The following RNF169 variants were observed in gnomAD, a reference collection of about 807,000 sequenced individuals.
RNF169 encodes the protein E3 ubiquitin-protein ligase RNF169.
A neutral mutation model predicts 53.9 loss-of-function variants in RNF169; 24 were observed. That is an observed-to-expected ratio of 0.45 (90% confidence interval 0.32 to 0.63). RNF169 has a LOEUF of 0.63. Among genes scored for constraint, RNF169 ranks in the 20% least tolerant of loss-of-function variants. RNF169 has a pLI of 0.04. For synonymous variants in RNF169, 396 were observed against 363.5 expected, an observed-to-expected ratio of 1.09 and a Z score of -1.02; for missense variants, 883 against 906.2, an observed-to-expected ratio of 0.97 and a Z score of 0.33.
chr11:74,836,713 A>T lies in RNF169; in HGVS notation c.2110A>T (p.Met704Leu). ...VDQYLLRSSNMAGAK is the reference protein window; with the variant it reads ...VDQYLLRSSNLAGAK ...TCAGTATCTCCTACGGTCCAGCAAC[A>T]TGGCCGGGGCCAAGTAGCACCTAAT... Residue 704 changes from methionine to leucine, a missense_variant, in exon 6 of 6, where the codon ATG becomes TTG. Physicochemically the swap from Met to Leu is conservative, Grantham distance 15. Transcript: ENST00000299563. 1.2e-6 allele frequency: 2 copies of T among 1,609,848 alleles called. No individual in the cohort carries two copies. Among genetic ancestry groups the T allele is most frequent in the South Asian group, 1.1e-5 (1 of 90,984 alleles).
At chr11:74,769,338 G>A (rs2035224891) in intron 1 of RNF169, among the ~76,000 whole-genome samples, 1 of 152,186 alleles carries the variant, frequency 6.6e-6, no homozygotes, top group Admixed American at 6.6e-5. Flanking sequence ...GCTATAATTT[G>A]TAATTGATTA....
Position 74,836,984 on chromosome 11 carries a change from G to C in RNF169, c.*254G>C. 2.5e-6 allele frequency: 1 copy of C among 392,984 alleles called. No individual in the cohort carries two copies. The highest frequency in any genetic ancestry group is 4.6e-6 in the Non-Finnish European group (1 of 217,614). The allele number at this position is 392,984 out of a possible 1,614,324, so 24.3% of individuals were successfully genotyped here. On this transcript the variant is annotated 3_prime_UTR_variant, in exon 6 of 6. Coordinates refer to ENST00000299563, the MANE Select transcript of RNF169 (RefSeq NM_001098638.2). ...ACCTGGCAGCACCCACTGGGAATGA[G>C]ATTTGGAACGGCCTCAGGAGCATAA...
In RNF169 at chr11:74,832,400, C is replaced by T. The variant is rs546782279; in HGVS notation, c.843-2276C>T. 3.3e-5 allele frequency: 5 copies of T among 151,816 alleles called. No homozygotes were observed. The South Asian group carries it at 1.0e-3, about 32-fold the overall frequency. The allele number at this position is 151,816 out of a possible 1,614,324, so 9.4% of individuals were successfully genotyped here. On this transcript the variant is annotated intron_variant, in intron 4 of 5. Coordinates refer to ENST00000299563, the MANE Select transcript of RNF169 (RefSeq NM_001098638.2). ...TTTATGGGGCATGTGAAGATGTTCT[C>T]CCCAGCTACAGGTAGTTGTCATTTG...
chr11:74,831,135 T>C (rs2036171923), intron 4 of RNF169: 1 of 152,166 alleles, frequency 6.6e-6, no homozygotes, highest in Non-Finnish European at 1.5e-5. Context: ...AACATTGTAC[T>C]GGAAATTCTA....
At chr11:74,770,394 A>G (rs2035242520) in intron 1 of RNF169, among the ~76,000 whole-genome samples, 1 of 152,252 alleles carries the variant, frequency 6.6e-6, no homozygotes, top group Admixed American at 6.5e-5. Context: ...GGTTATGGAT[A>G]TAAGAATTAT....
intron 3 of RNF169, among the ~76,000 whole-genome samples, chr11:74,816,408 A>G (rs1465332322): frequency 6.6e-6 from 1 of 152,240 alleles, no homozygotes; most frequent in Non-Finnish European, 1.5e-5. Context: ...CTATCCATTA[A>G]AAGAAAAAGA....
At position 74,841,302 on chromosome 11, in the gene RNF169, G is replaced by A. The variant is rs2036504128; in HGVS notation, c.*4572G>A. ...AAAGAGAAAGCAGGTCTGGGGCGGG[G>A]TGGTCAGGAGACAGATTCTAGGGAA... On this transcript the variant is annotated 3_prime_UTR_variant, in exon 6 of 6. Transcript: ENST00000299563. The A allele has an allele frequency of 1.3e-5, 2 of 152,278 alleles. No homozygotes were observed. Among genetic ancestry groups the A allele is most frequent in the East Asian group, 1.9e-4 (1 of 5,174 alleles). 9.4% of individuals were successfully genotyped at this position (152,278 alleles called of 1,614,324 possible). A position where few individuals can be genotyped will look rare whatever the true frequency, so the allele number is the denominator to read the frequency against.
chr11:74,752,595 C>CAA lies in RNF169; in HGVS notation c.502+3228_502+3229dup, dbSNP rs371908528. 9.1e-3 allele frequency among the ~76,000 whole-genome samples: 1,013 copies of CAA among 111,880 alleles called. 4 individuals carry two copies. The highest frequency in any genetic ancestry group is 0.014 in the South Asian group (51 of 3,742). 73.4% of individuals were successfully genotyped at this position (111,880 alleles called of 152,430 possible). A position where few individuals can be genotyped will look rare whatever the true frequency, so the allele number is the denominator to read the frequency against. On this transcript the variant is annotated intron_variant, in intron 1 of 5. Transcript: ENST00000299563. ...CTGGTGGCAGAGCAAGACTCTGTCT[C>CAA]AAAAAAAAAAAAAAAAGATTCTTGT...
At chr11:74,789,449 A>G (rs2035550531) in intron 1 of RNF169, among the ~76,000 whole-genome samples, 177 bp from the exon 2 acceptor site, 2 of 152,230 alleles carry the variant, frequency 1.3e-5, no homozygotes, top group African/African-American at 4.8e-5. Flanking sequence ...GAAGTGTCAG[A>G]AGGAGACAGA....
At chr11:74,828,517 A>T (rs961840247) in intron 4 of RNF169, among the ~76,000 whole-genome samples, 5 of 152,228 alleles carry the variant, frequency 3.3e-5, no homozygotes, top group African/African-American at 9.6e-5. Context: ...TTTAAAATTC[A>T]TATGGAACCT....
At chr11:74,766,910 C>T (rs73490680) in intron 1 of RNF169, among the ~76,000 whole-genome samples, 6,279 of 152,208 alleles carry the variant, frequency 0.041, 133 homozygotes, top group African/African-American at 0.058. Context: ...AACAAAATCA[C>T]ACAAGTTAAC....
rs570313662 is a variant in RNF169, at chr11:74,822,558, T to G, written c.842+4844T>G. Among the ~76,000 whole-genome samples, 35 of 152,256 alleles carry G rather than the reference T, an allele frequency of 2.3e-4. No individual in the cohort carries two copies. The Middle Eastern group carries it at 0.01, about 44-fold the overall frequency. ...GAGTCTGTTCTATGGCAGAGTAGAG[T>G]AAGTTAGATCAGTATGCTGTGGTGC... On this transcript the variant is annotated intron_variant, in intron 4 of 5. Coordinates refer to ENST00000299563, the MANE Select transcript of RNF169 (RefSeq NM_001098638.2).
chr11:74,805,443 G>T (rs568896420), intron 2 of RNF169, among the ~76,000 whole-genome samples: 1 of 152,240 alleles, frequency 6.6e-6, no homozygotes, highest in African/African-American at 2.4e-5. Flanking sequence ...TTAGGGAAAT[G>T]ATTACATGGA....
intron 1 of RNF169, among the ~76,000 whole-genome samples, chr11:74,776,623 A>G (rs2035340228): frequency 6.6e-6 from 1 of 152,174 alleles, no homozygotes; most frequent in Non-Finnish European, 1.5e-5. Flanking sequence ...AAGTAATTAT[A>G]ACACAAGTAG....
intron 2 of RNF169, among the ~76,000 whole-genome samples, chr11:74,793,424 C>G (rs1353029632): frequency 6.6e-6 from 1 of 152,168 alleles, no homozygotes; most frequent in Non-Finnish European, 1.5e-5. Context: ...TACTCTATTA[C>G]TTTAAGTGAC....
chr11:74,776,665 ATGC>A (rs1186044332), intron 1 of RNF169, among the ~76,000 whole-genome samples: 1 of 152,242 alleles, frequency 6.6e-6, no homozygotes, highest in African/African-American at 2.4e-5. Context: ...TAAGTGCAGA[ATGC>A]CATGAGGGCC....
chr11:74,759,793 C>A (rs1042714925), intron 1 of RNF169, among the ~76,000 whole-genome samples: 8 of 150,786 alleles, frequency 5.3e-5, no homozygotes, highest in South Asian at 2.1e-4. Flanking sequence ...TGTCTCTGCC[C>A]GGCTTTGGTA....
chr11:74,827,095 G>A (rs962922514), intron 4 of RNF169, among the ~76,000 whole-genome samples: 7 of 152,318 alleles, frequency 4.6e-5, no homozygotes, highest in East Asian at 3.9e-4. Flanking sequence ...AGGCTCCACC[G>A]CTGCAGCAGA....
chr11:74,791,722 G>A (rs762888716), intron 2 of RNF169, among the ~76,000 whole-genome samples: 5 of 152,198 alleles, frequency 3.3e-5, no homozygotes, highest in Admixed American at 6.5e-5. Flanking sequence ...CTGTGAGAGT[G>A]GGGGATGGAG....
Sources: gnomAD v4.1 joint callset for allele counts (sites outside exome capture counted in the v4.1 genomes callset) on GRCh38, gnomAD v4.1.1 for gene constraint, MANE v1.5 for transcripts, NCBI Gene and HGNC (gene_info 2026-07-23, HGNC 2026-07-21) for gene names.